ZFHX3: variants seen among roughly 807,000 people sequenced by gnomAD.
ZFHX3 encodes the protein zinc finger homeobox protein 3.
ZFHX3 carries 42 observed loss-of-function variants against 279.1 expected under a neutral mutation model. The ratio of observed to expected loss-of-function variants is 0.15; its 90% CI spans 0.12 to 0.19. The LOEUF is 0.19. Among genes scored for constraint, ZFHX3 ranks in the 10% least tolerant of loss-of-function variants. The pLI is 1.00. For missense variants in ZFHX3, 4,981 were observed against 4,754.0 expected, an observed-to-expected ratio of 1.05 and a Z score of -1.40; for synonymous variants, 2,293 against 1,957.8, an observed-to-expected ratio of 1.17 and a Z score of -4.52.
chr16:73,038,518 T>C (rs993789828), intron 1 of ZFHX3, among the ~76,000 whole-genome samples: 1 of 152,244 alleles, frequency 6.6e-6, no homozygotes, highest in Non-Finnish European at 1.5e-5. Context: ...ACGCGGCTTC[T>C]GAGCACTGGA....
chr16:73,887,305 G>A (rs2030378214), intron 1 of ZFHX3, among the ~76,000 whole-genome samples: 1 of 152,106 alleles, frequency 6.6e-6, no homozygotes, highest in African/African-American at 2.4e-5. Context: ...TCCTCAAAAT[G>A]AACTCTAGTC....
At chr16:73,489,220 T>A (rs1476102554) in intron 2 of ZFHX3, among the ~76,000 whole-genome samples, 2 of 152,174 alleles carry the variant, frequency 1.3e-5, no homozygotes, top group East Asian at 3.8e-4. Flanking sequence ...ATCCTATACT[T>A]TCCTTATGTT....
intron 5 of ZFHX3, among the ~76,000 whole-genome samples, chr16:73,222,707 T>C (rs1331281703): frequency 6.6e-6 from 1 of 152,140 alleles, no homozygotes; most frequent in African/African-American, 2.4e-5. Flanking sequence ...TTGTGTTTAT[T>C]GACAAACTGA....
At chr16:73,545,265 C>T (rs902998408) in intron 2 of ZFHX3, among the ~76,000 whole-genome samples, 6 of 152,142 alleles carry the variant, frequency 3.9e-5, no homozygotes, top group African/African-American at 1.4e-4. Flanking sequence ...CGGGCTCTTT[C>T]TCCCATTTTC....
chr16:73,386,113 C>T (rs2016897475), intron 3 of ZFHX3, among the ~76,000 whole-genome samples: 1 of 152,140 alleles, frequency 6.6e-6, no homozygotes, highest in Non-Finnish European at 1.5e-5. Flanking sequence ...AGCACCATTC[C>T]ATGTTCTCTT....
chr16:72,947,597 G>A (rs1960753911), intron 3 of ZFHX3, among the ~76,000 whole-genome samples: 1 of 152,140 alleles, frequency 6.6e-6, no homozygotes, highest in African/African-American at 2.4e-5. Flanking sequence ...AGGTCTGGGA[G>A]GGCCACCGGG....
At chr16:73,142,717 A>G (rs1966850779) in intron 6 of ZFHX3, among the ~76,000 whole-genome samples, 1 of 152,228 alleles carries the variant, frequency 6.6e-6, no homozygotes, top group East Asian at 1.9e-4. Context: ...TATGGTAATA[A>G]AATGATAAAG....
At chr16:73,864,629 A>C (rs1961965278) in intron 1 of ZFHX3, among the ~76,000 whole-genome samples, 1 of 152,104 alleles carries the variant, frequency 6.6e-6, no homozygotes, top group Non-Finnish European at 1.5e-5. Flanking sequence ...TGAGGCATGA[A>C]AATTGCTTGA....
intron 7 of ZFHX3, among the ~76,000 whole-genome samples, chr16:73,107,977 C>T (rs1446263877): frequency 2.0e-5 from 3 of 152,086 alleles, no homozygotes; most frequent in Non-Finnish European, 4.4e-5. Flanking sequence ...TTGGCTAACA[C>T]AGTGAAACCC....
intron 4 of ZFHX3, among the ~76,000 whole-genome samples, chr16:73,261,540 C>A (rs2013823869): frequency 6.6e-6 from 1 of 151,912 alleles, no homozygotes; most frequent in Non-Finnish European, 1.5e-5. Context: ...ATTATTTTAA[C>A]CTAAGGTATT....
At chr16:73,777,438 G>A (rs913271344) in intron 1 of ZFHX3, among the ~76,000 whole-genome samples, 2 of 137,708 alleles carry the variant, frequency 1.5e-5, no homozygotes, top group African/African-American at 5.3e-5. Context: ...GGGAGGCAGA[G>A]GTTGCAGTGA....
chr16:73,061,469 A>G (rs1383197088), upstream of ZFHX3: 3 of 148,448 alleles, frequency 2.0e-5, no homozygotes, highest in Admixed American at 2.0e-4. Context: ...TATTGTAGCC[A>G]TTGTATATTT....
intron 3 of ZFHX3, among the ~76,000 whole-genome samples, chr16:73,393,027 G>A (rs2017051900): frequency 6.6e-6 from 1 of 152,170 alleles, no homozygotes; most frequent in Non-Finnish European, 1.5e-5. Flanking sequence ...TAGAGATGGG[G>A]TTTCACCACA....
intron 5 of ZFHX3, among the ~76,000 whole-genome samples, chr16:73,226,002 G>A (rs903211163): frequency 2.0e-5 from 3 of 152,146 alleles, no homozygotes; most frequent in African/African-American, 7.2e-5. Flanking sequence ...AGTCCAATGT[G>A]TTTGCCCCCA....
chr16:72,854,949 T>C (rs372209775), intron 4 of ZFHX3, among the ~76,000 whole-genome samples: 4 of 63,920 alleles, frequency 6.3e-5, no homozygotes, highest in Admixed American at 1.8e-4. Context: ...GGGGGGGGGG[T>C]GTCAAATGGA....
chr16:73,614,196 A>G (rs1000938131), intron 2 of ZFHX3, among the ~76,000 whole-genome samples: 2 of 152,220 alleles, frequency 1.3e-5, no homozygotes, highest in East Asian at 1.9e-4. Context: ...ACGTGAACGT[A>G]TGTGATGTGT....
chr16:73,738,410 G>A (rs2053626576), intron 1 of ZFHX3, among the ~76,000 whole-genome samples: 1 of 151,668 alleles, frequency 6.6e-6, no homozygotes, highest in South Asian at 2.1e-4. Flanking sequence ...GAAGGATCAT[G>A]TTTGCCACAG....
At chr16:73,182,009 T>C (rs1303689842) in intron 5 of ZFHX3, among the ~76,000 whole-genome samples, 1 of 152,164 alleles carries the variant, frequency 6.6e-6, no homozygotes, top group Admixed American at 6.5e-5. Context: ...TCTTCTCTAA[T>C]TGTTCCTCCA....
At chr16:72,874,299 C>T (rs552874450) in intron 4 of ZFHX3, among the ~76,000 whole-genome samples, 3 of 151,194 alleles carry the variant, frequency 2.0e-5, no homozygotes, top group East Asian at 1.9e-4. Context: ...CTCCGCCTCC[C>T]GGGTTCACGC....
Sources: gnomAD v4.1 joint callset for allele counts (sites outside exome capture counted in the v4.1 genomes callset) on GRCh38, gnomAD v4.1.1 for gene constraint, MANE v1.5 for transcripts, NCBI Gene and HGNC (gene_info 2026-07-23, HGNC 2026-07-21) for gene names.